Variants in DNAH8 observed in about 807,000 individuals in gnomAD.
DNAH8 encodes axonemal beta dynein heavy chain 8.
A neutral mutation model predicts 562.1 loss-of-function variants in DNAH8; 382 were observed. The ratio of observed to expected loss-of-function variants is 0.68; its 90% CI spans 0.63 to 0.74. The LOEUF (loss-of-function observed/expected upper bound fraction) is 0.74, where lower values mean the gene tolerates loss of function less well. DNAH8 is among the 30% of genes least tolerant of loss of function. The probability of loss-of-function intolerance (pLI) is 0.00; values close to 1 mark genes in which losing one functional copy is unlikely to be tolerated. For synonymous variants in DNAH8, 1,881 were observed against 1,919.4 expected (o/e 0.98, Z 0.52); for missense variants, 5,203 against 5,620.4 (o/e 0.93, Z 2.37).
At chr6:38,987,358 G>A (rs1319998372) in intron 87 of DNAH8, among the ~76,000 whole-genome samples, 1 of 152,156 alleles carries the variant, frequency 6.6e-6, no homozygotes, top group Non-Finnish European at 1.5e-5. Flanking sequence ...GGGCCACAGA[G>A]GACTAGTGAG....
At chr6:38,828,415 G>T (rs1286775586) in intron 30 of DNAH8, 127 bp downstream of exon 30, 1 of 556,830 alleles carries the variant, frequency 1.8e-6, no homozygotes, top group African/African-American at 2.0e-5. Flanking sequence ...GTCAACAACA[G>T]ACTGCATATA....
At chr6:38,931,362 C>T (rs1005086899) in intron 75 of DNAH8, 2 of 152,092 alleles carry the variant, frequency 1.3e-5, no homozygotes, top group African/African-American at 4.8e-5. Context: ...GTCAAATATG[C>T]TTCAGATATA....
chr6:39,009,242 A>G (rs1766015866), intron 89 of DNAH8, among the ~76,000 whole-genome samples: 1 of 152,000 alleles, frequency 6.6e-6, no homozygotes, highest in Non-Finnish European at 1.5e-5. Flanking sequence ...TTCCTCCTCA[A>G]TCAAAGTTTC....
rs373754244 is a variant in DNAH8, at chr6:38,781,148, A to G, written c.2140-106A>G. The G allele has an allele frequency of 6.5e-6, 8 of 1,236,156 alleles. No individual in the cohort carries two copies. The East Asian group carries it at 1.9e-4, about 30-fold the overall frequency. The allele number at this position is 1,236,156 out of a possible 1,614,324, so 76.6% of individuals were successfully genotyped here. ...TACATATTTATTGACTACCTACTGT[A>G]TATAAAACATGAATAATGATAAAAC... On this transcript the variant is annotated intron_variant, in intron 15 of 92. Transcript: ENST00000327475.
At chr6:38,807,940 G>A (rs951568856) in intron 24 of DNAH8, among the ~76,000 whole-genome samples, 5 of 152,250 alleles carry the variant, frequency 3.3e-5, no homozygotes, top group African/African-American at 1.2e-4. Context: ...CCCCTCATGG[G>A]TCCTCTCCCT....
chr6:38,914,070 A>G (rs1035315320), intron 67 of DNAH8, 118 bp downstream of exon 67: 4 of 715,804 alleles, frequency 5.6e-6, no homozygotes, highest in Admixed American at 4.7e-5. Flanking sequence ...TCCTGATAAG[A>G]TAGTGTTCAC....
At chr6:38,970,460 C>T (rs958860616) in intron 82 of DNAH8, among the ~76,000 whole-genome samples, 6 of 152,156 alleles carry the variant, frequency 3.9e-5, no homozygotes, top group African/African-American at 1.4e-4. Flanking sequence ...ATTCCTGATT[C>T]TCCAAGCAGT....
chr6:38,994,190 TTA>T (rs1764981533), intron 88 of DNAH8, among the ~76,000 whole-genome samples: 1 of 152,212 alleles, frequency 6.6e-6, no homozygotes, highest in African/African-American at 2.4e-5. Context: ...TAAGGGCTAT[TTA>T]TATATAGTCT....
At chr6:38,892,020 C>G (rs907032840) in intron 58 of DNAH8, among the ~76,000 whole-genome samples, 1 of 152,184 alleles carries the variant, frequency 6.6e-6, no homozygotes, top group African/African-American at 2.4e-5. Context: ...CCTTTAGCAG[C>G]ATTTGACCTA....
In DNAH8 at chr6:38,872,950, T is replaced by C. The variant is rs770081064; in HGVS notation, c.7282T>C (p.Trp2428Arg). The C allele has an allele frequency of 6.2e-7, 1 of 1,614,180 alleles. No homozygotes were observed. Among genetic ancestry groups the C allele is most frequent in the Non-Finnish European group, 8.5e-7 (1 of 1,180,006 alleles). ...TTTAGATGGTCCTGTGGATGCCATC[T>C]GGATTGAGAACTTAAATTCCGTTTT... ...LILDGPVDAI[W>R]IENLNSVLDD... The change falls in exon 51 of 93, where the codon TGG becomes CGG. Residue 2428 changes from tryptophan (W) to arginine (R), a missense_variant. This residue lies in a region of DNAH8 where 8 missense variants were observed against 33.4 expected (regional missense o/e 0.24). Transcript: ENST00000327475.
chr6:38,928,632 T>C (rs990131980), intron 74 of DNAH8, among the ~76,000 whole-genome samples: 29 of 152,318 alleles, frequency 1.9e-4, no homozygotes, highest in Non-Finnish European at 4.1e-4. Flanking sequence ...TCATAGTAAT[T>C]GAGAGATACA....
intron 4 of DNAH8, among the ~76,000 whole-genome samples, chr6:38,732,016 T>C (rs1191624669): frequency 2.0e-5 from 3 of 152,142 alleles, no homozygotes; most frequent in Admixed American, 6.5e-5. Flanking sequence ...ACACCCAGCC[T>C]ACATTTCTTT....
chr6:38,875,565 A>T, intron 52 of DNAH8, 26 bp from the exon 53 acceptor site: 4 of 1,334,814 alleles, frequency 3.0e-6, no homozygotes, highest in Non-Finnish European at 4.1e-6. Context: ...TAATTTAAAA[A>T]TTTATTTTAT....
chr6:38,903,612 C>CTTTTTTTT (rs756414599), intron 62 of DNAH8, among the ~76,000 whole-genome samples: 3 of 129,444 alleles, frequency 2.3e-5, no homozygotes, highest in South Asian at 2.5e-4. Context: ...TTCTTTCTTC[C>CTTTTTTTT]TTTTTTTTTT....
At chr6:38,973,419 G>A (rs550035636) in intron 83 of DNAH8, among the ~76,000 whole-genome samples, 24 of 152,206 alleles carry the variant, frequency 1.6e-4, no homozygotes, top group African/African-American at 5.8e-4. Flanking sequence ...TTTAATTTCT[G>A]TTCCTTTCTG....
chr6:38,925,266 G>T (rs1782019345), intron 73 of DNAH8, among the ~76,000 whole-genome samples: 1 of 151,114 alleles, frequency 6.6e-6, no homozygotes, highest in African/African-American at 2.4e-5. Flanking sequence ...GTGGAGGCTG[G>T]TTGGCTCATT....
chr6:38,911,437 T>A (rs1561851376), intron 65 of DNAH8, 31 bp from the exon 66 acceptor site: 2 of 1,497,956 alleles, frequency 1.3e-6, no homozygotes, highest in Non-Finnish European at 1.9e-6. Context: ...GCACAATGAT[T>A]GAAATGGTCC....
At chr6:38,948,460 T>A (rs190039687) in intron 80 of DNAH8, among the ~76,000 whole-genome samples, 3 of 152,316 alleles carry the variant, frequency 2.0e-5, no homozygotes, top group Admixed American at 2.0e-4. Flanking sequence ...TGCCTCAGCC[T>A]CCCGAGTAGC....
chr6:38,754,357 A>T (rs981978448), intron 9 of DNAH8, among the ~76,000 whole-genome samples: 1 of 152,066 alleles, frequency 6.6e-6, no homozygotes, highest in Non-Finnish European at 1.5e-5. Context: ...TTCTAGGCAT[A>T]TTTTTATTAG....
Sources: gnomAD v4.1 joint callset for allele counts (sites outside exome capture counted in the v4.1 genomes callset) on GRCh38, gnomAD v4.1.1 for gene constraint, gnomAD v4.1.1 regional missense constraint, MANE v1.5 for transcripts, NCBI Gene and HGNC (gene_info 2026-07-23, HGNC 2026-07-21) for gene names.